DCAF17: variants seen among roughly 807,000 people sequenced by gnomAD.
The protein encoded by DCAF17 is DDB1 and CUL4 associated factor 17.
Under a neutral mutation model 66.0 loss-of-function variants are expected in DCAF17, and 48 were observed. The observed-to-expected ratio is 0.73, with a 90% confidence interval of 0.58 to 0.92. The LOEUF (loss-of-function observed/expected upper bound fraction) is 0.92, where lower values mean the gene tolerates loss of function less well. Among genes scored for constraint, DCAF17 ranks in the 40% least tolerant of loss-of-function variants. The pLI is 0.00. For synonymous variants in DCAF17, 206 were observed against 214.6 expected (o/e 0.96, Z 0.35); for missense variants, 562 against 622.8 (o/e 0.90, Z 1.04).
At chr2:171,474,084 CTTG>C in intron 10 of DCAF17, 109 bp downstream of exon 10, 2 of 882,424 alleles carry the variant, frequency 2.3e-6, no homozygotes, top group Non-Finnish European at 3.7e-6. Context: ...AAATAATTAG[CTTG>C]TTGTTGGGTG....
intron 8 of DCAF17, among the ~76,000 whole-genome samples, chr2:171,461,638 T>G (rs16859392): frequency 0.04 from 6,024 of 152,240 alleles, 395 homozygotes; most frequent in African/African-American, 0.13. Context: ...TATAACTCAC[T>G]TGTTAAGAAA....
rs1574300588 is a variant in DCAF17 at position 171,434,622 on chromosome 2, C to T, written c.45C>T (p.Arg15=). ...RKPNVCSRLS[R]RALGCFSRDA... Reference sequence around the variant, plus strand: ...CCAACGTGTGCAGCCGGCTGAGTCGCCGGGCGCTGGGCTGCTTCTCGCGCG... The same window carrying T: ...CCAACGTGTGCAGCCGGCTGAGTCGTCGGGCGCTGGGCTGCTTCTCGCGCG... Residue 15 remains arginine (R), a synonymous_variant, in exon 1 of 14, where the codon CGC becomes CGT. Coordinates refer to ENST00000375255, the MANE Select transcript of DCAF17 (RefSeq NM_025000.4). 2 of 1,531,598 alleles carry T rather than the reference C, an allele frequency of 1.3e-6. No homozygotes were observed. Among genetic ancestry groups the T allele is most frequent in the Non-Finnish European group, 8.7e-7 (1 of 1,146,802 alleles). 94.9% of individuals were successfully genotyped at this position (1,531,598 alleles called of 1,614,324 possible).
intron 5 of DCAF17, among the ~76,000 whole-genome samples, chr2:171,450,278 T>C (rs947566160): frequency 9.9e-5 from 15 of 152,262 alleles, no homozygotes; most frequent in Middle Eastern, 3.4e-3. Context: ...ACATTGGGTA[T>C]AGTGTATACC....
chr2:171,482,301 T>C lies in DCAF17; in HGVS notation c.*1187T>C, dbSNP rs1175725824. On this transcript the variant is annotated 3_prime_UTR_variant, in exon 14 of 14. Transcript: ENST00000375255. ...AAACAGCAGCAACAATCATTGCTGA[T>C]TCAAGTTTAAGGTTAAAATATGGAA... 1.8e-5 allele frequency: 8 copies of C among 453,848 alleles called. No homozygotes were observed. The allele number at this position is 453,848 out of a possible 1,614,324, so 28.1% of individuals were successfully genotyped here.
At chr2:171,455,818 A>G (rs1044470575) in intron 6 of DCAF17, among the ~76,000 whole-genome samples, 69 of 152,134 alleles carry the variant, frequency 4.5e-4, no homozygotes, top group African/African-American at 1.6e-3. Context: ...CCATCTTTTT[A>G]GAAGTATCTG....
At chr2:171,442,926 T>A (rs909201743) in intron 2 of DCAF17, among the ~76,000 whole-genome samples, 3 of 151,692 alleles carry the variant, frequency 2.0e-5, no homozygotes, top group Non-Finnish European at 4.4e-5. Context: ...TCTCAACTAA[T>A]CAGAGAAGTA....
rs1441768452 is a variant in DCAF17 at position 171,484,222 on chromosome 2, TCATC to T, written c.*3113_*3116del. 4.4e-6 allele frequency: 2 copies of T among 451,108 alleles called. No homozygotes were observed. Among genetic ancestry groups the T allele is most frequent in the Admixed American group, 4.8e-5 (2 of 41,798 alleles). The allele number at this position is 451,108 out of a possible 1,614,324, so 27.9% of individuals were successfully genotyped here. ...CTCCTTCTTACCATGTTTACTTATATCATCCATCTTTTAGAATCCCAGGGAGCTA... is the reference window on the plus strand; with the variant it reads ...CTCCTTCTTACCATGTTTACTTATATCATCTTTTAGAATCCCAGGGAGCTA... On this transcript the variant is annotated 3_prime_UTR_variant, in exon 14 of 14. Transcript: ENST00000375255.
rs997712538 is a variant in DCAF17 at position 171,460,196 on chromosome 2, A to C, written c.838+1719A>C. Among the ~76,000 whole-genome samples, 4 of 151,658 alleles carry C rather than the reference A, an allele frequency of 2.6e-5. No individual in the cohort carries two copies. The East Asian group carries it at 7.7e-4, about 29-fold the overall frequency. ...AAATTAGCTAGGCACGGTGGCAGGC[A>C]CCTGTAATCCCAGCTACTTGGGAGG... On this transcript the variant is annotated intron_variant, in intron 8 of 13. Transcript: ENST00000375255.
At chr2:171,469,963 C>T (rs1027846085) in intron 9 of DCAF17, among the ~76,000 whole-genome samples, 1 of 152,010 alleles carries the variant, frequency 6.6e-6, no homozygotes, top group African/African-American at 2.4e-5. Context: ...ATCACTCAAG[C>T]TTTAATTGTT....
rs1193446383 is a variant in DCAF17, at chr2:171,481,167, C to T, written c.*53C>T. ...GACTTTTAGCCAAACACCCCAGCAG[C>T]TGCGTCCAATCCATTTTATTATCTG... On this transcript the variant is annotated 3_prime_UTR_variant, in exon 14 of 14. Transcript: ENST00000375255. 1 of 1,608,710 alleles carries T rather than the reference C, an allele frequency of 6.2e-7. No homozygotes were observed. The highest frequency in any genetic ancestry group is 8.5e-7 in the Non-Finnish European group (1 of 1,175,806).
chr2:171,467,082 T>C (rs17286660), intron 8 of DCAF17, among the ~76,000 whole-genome samples: 30,693 of 152,030 alleles, frequency 0.2, 3,241 homozygotes, highest in South Asian at 0.28. Flanking sequence ...TATGCCTGTC[T>C]CTTCTTTTTC....
intron 8 of DCAF17, among the ~76,000 whole-genome samples, chr2:171,466,682 A>G (rs1031410452): frequency 6.8e-6 from 1 of 146,942 alleles, no homozygotes; most frequent in Admixed American, 6.8e-5. Flanking sequence ...CATTTTTTGC[A>G]TTTACTGGGA....
At chr2:171,444,858 T>A (rs111298984) in intron 3 of DCAF17, among the ~76,000 whole-genome samples, 1,763 of 152,296 alleles carry the variant, frequency 0.012, 43 homozygotes, top group African/African-American at 0.04. Flanking sequence ...AAGTTTTAGT[T>A]TTCTGGAGCT....
intron 9 of DCAF17, among the ~76,000 whole-genome samples, chr2:171,470,892 GA>G (rs142566843): frequency 2.7e-5 from 4 of 150,420 alleles, no homozygotes; most frequent in Middle Eastern, 3.2e-3. Flanking sequence ...GAAATATTCA[GA>G]AAAAAAAAGG....
chr2:171,434,499 CAGCGGCGGCTGCCCAGCA>C lies in DCAF17; in HGVS notation c.-78_-61del, dbSNP rs1693638519. 2.6e-6 allele frequency: 4 copies of C among 1,521,950 alleles called. No individual in the cohort carries two copies. In the African/African-American group the frequency reaches 5.5e-5, roughly 21 times the overall value. 94.3% of individuals were successfully genotyped at this position (1,521,950 alleles called of 1,614,324 possible). On this transcript the variant is annotated 5_prime_UTR_variant, in exon 1 of 14. Coordinates refer to ENST00000375255, the MANE Select transcript of DCAF17 (RefSeq NM_025000.4). Reference sequence around the variant, plus strand: ...AAGTCTGGGCCTCGAAATTCGAAGGCAGCGGCGGCTGCCCAGCACGGGAGTGTGGGGCGCGCCACTCGG... The same window carrying C: ...AAGTCTGGGCCTCGAAATTCGAAGGCCGGGAGTGTGGGGCGCGCCACTCGG...
intron 9 of DCAF17, 119 bp downstream of exon 9, chr2:171,469,149 C>A: frequency 8.7e-7 from 1 of 1,146,604 alleles, no homozygotes; most frequent in South Asian, 1.3e-5. Context: ...TAACAATTTG[C>A]AAACAATTTA....
At chr2:171,453,031 A>G in intron 5 of DCAF17, 93 bp from the exon 6 acceptor site, 2 of 814,552 alleles carry the variant, frequency 2.5e-6, no homozygotes, top group Non-Finnish European at 3.9e-6. Flanking sequence ...GTATAACTAC[A>G]TGCTAGAACA....
intron 6 of DCAF17, among the ~76,000 whole-genome samples, chr2:171,454,163 C>CT (rs1559269896): frequency 6.6e-6 from 1 of 151,862 alleles, no homozygotes; most frequent in African/African-American, 2.4e-5. Context: ...GAGTTAGACT[C>CT]TGTCTCTAAA....
chr2:171,469,290 A>C (rs1388370603), intron 9 of DCAF17, among the ~76,000 whole-genome samples: 1 of 152,236 alleles, frequency 6.6e-6, no homozygotes, highest in Non-Finnish European at 1.5e-5. Flanking sequence ...ATCTCCCAGC[A>C]AGGAATCTCA....
Sources: allele counts gnomAD v4.1 joint callset (sites outside exome capture counted in the v4.1 genomes callset), GRCh38; gene constraint gnomAD v4.1.1; transcripts MANE v1.5; gene names NCBI Gene and HGNC (gene_info 2026-07-23, HGNC 2026-07-21).